The following FRMD4B variants were observed in gnomAD, a reference collection of about 807,000 sequenced individuals.
FRMD4B encodes the protein FERM domain-containing protein 4B.
Under a neutral mutation model 141.5 loss-of-function variants are expected in FRMD4B, and 74 were observed. The observed-to-expected ratio is 0.52, with a 90% confidence interval of 0.43 to 0.63. The LOEUF (loss-of-function observed/expected upper bound fraction) is 0.63, where lower values mean the gene tolerates loss of function less well. FRMD4B is among the 30% of genes least tolerant of loss of function. The pLI, the probability that FRMD4B is intolerant of heterozygous loss-of-function variation, is 0.00. For missense variants in FRMD4B, 1,366 were observed against 1,253.4 expected (o/e 1.09, Z -1.36); for synonymous variants, 506 against 467.9 (o/e 1.08, Z -1.05).
intron 1 of FRMD4B, among the ~76,000 whole-genome samples, chr3:69,484,204 A>G (rs1706176932): frequency 1.3e-5 from 2 of 152,212 alleles, no homozygotes; most frequent in Non-Finnish European, 2.9e-5. Flanking sequence ...GTGAAGAGCA[A>G]CAGAAGAATG....
chr3:69,233,792 G>C (rs777104964), intron 7 of FRMD4B, among the ~76,000 whole-genome samples: 1 of 152,144 alleles, frequency 6.6e-6, no homozygotes, highest in Admixed American at 6.5e-5. Context: ...ATTAGGAATG[G>C]AGCTAATTGG....
intron 7 of FRMD4B, among the ~76,000 whole-genome samples, chr3:69,245,930 T>C (rs902092440): frequency 4.2e-5 from 6 of 142,146 alleles, no homozygotes; most frequent in African/African-American, 1.6e-4. Context: ...CTCTGCCTCC[T>C]GGGTTCAAGA....
intron 1 of FRMD4B, among the ~76,000 whole-genome samples, chr3:69,375,655 G>A (rs1169864260): frequency 3.7e-5 from 1 of 27,024 alleles, no homozygotes; most frequent in African/African-American, 1.3e-4. Context: ...ATCTTTATGT[G>A]TCATTTCTCT....
chr3:69,476,116 T>A (rs1389132920), intron 1 of FRMD4B, among the ~76,000 whole-genome samples: 1 of 150,886 alleles, frequency 6.6e-6, no homozygotes, highest in African/African-American at 2.5e-5. Context: ...CTTTGTCAGA[T>A]GAGTAGGTTG....
intron 1 of FRMD4B, among the ~76,000 whole-genome samples, chr3:69,345,117 A>G (rs1471642965): frequency 6.6e-6 from 1 of 152,134 alleles, no homozygotes; most frequent in African/African-American, 2.4e-5. Flanking sequence ...TGGCACCTGG[A>G]AAATCAGGTC....
intron 1 of FRMD4B, among the ~76,000 whole-genome samples, chr3:69,367,822 T>C (rs1217908277): frequency 6.6e-6 from 1 of 152,218 alleles, no homozygotes; most frequent in Non-Finnish European, 1.5e-5. Flanking sequence ...TTTCCTGAAA[T>C]GGAAATGCTT....
intron 5 of FRMD4B, among the ~76,000 whole-genome samples, chr3:69,253,859 G>A (rs996614455): frequency 3.9e-5 from 6 of 152,170 alleles, no homozygotes; most frequent in African/African-American, 1.4e-4. Context: ...AGGCTGAGGT[G>A]GGGGCACTGC....
At chr3:69,408,295 C>A (rs775643431) in intron 2 of FRMD4B, among the ~76,000 whole-genome samples, 2 of 152,198 alleles carry the variant, frequency 1.3e-5, no homozygotes, top group Non-Finnish European at 2.9e-5. Flanking sequence ...CTGAAAGGTT[C>A]TTTTCAATTA....
intron 1 of FRMD4B, among the ~76,000 whole-genome samples, chr3:69,377,294 T>C (rs934251914): frequency 6.6e-6 from 1 of 152,222 alleles, no homozygotes; most frequent in African/African-American, 2.4e-5. Flanking sequence ...TGTTAATCAC[T>C]ACTATAATGG....
intron 1 of FRMD4B, among the ~76,000 whole-genome samples, chr3:69,530,444 C>T (rs1379043377): frequency 1.3e-5 from 2 of 152,210 alleles, no homozygotes; most frequent in African/African-American, 4.8e-5. Context: ...AATCTCTGCA[C>T]ACACCAGTTC....
In FRMD4B at chr3:69,386,068, C is replaced by T. The variant is rs1029377517; in HGVS notation, c.-79G>A. 3.2e-6 allele frequency: 4 copies of T among 1,266,802 alleles called. No individual in the cohort carries two copies. The highest frequency in any genetic ancestry group is 1.9e-5 in the South Asian group (1 of 53,180). 78.5% of individuals were successfully genotyped at this position (1,266,802 alleles called of 1,614,324 possible). ...GACCCCAGCGGCCTGCCCGCCTGGG[C>T]TCCCGACGCCGGCTTCTGCTGGCAG... is the stretch of plus-strand genomic sequence containing the variant. On this transcript the variant is annotated 5_prime_UTR_variant, in exon 1 of 23. Coordinates refer to ENST00000398540, the MANE Select transcript of FRMD4B (RefSeq NM_015123.3).
At chr3:69,431,850 C>T (rs772084601) in intron 2 of FRMD4B, among the ~76,000 whole-genome samples, 1 of 152,238 alleles carries the variant, frequency 6.6e-6, no homozygotes, top group Non-Finnish European at 1.5e-5. Context: ...AACTGTTGCA[C>T]ATTTTACTCA....
Position 69,218,333 on chromosome 3 carries a change from A to G in FRMD4B, c.778T>C (p.Tyr260His), listed in dbSNP as rs1190855053. Reference sequence around the variant, plus strand: ...GTAAAATTACTTACCTTTACTGCATAATAATGGACACCGTAAGTCGGTAGA... The same window carrying G: ...GTAAAATTACTTACCTTTACTGCATGATAATGGACACCGTAAGTCGGTAGA... ...EALPTYGVHY[Y>H]AVKDKQGLPW... Residue 260 changes from tyrosine to histidine, a missense_variant, in exon 10 of 23, where the codon TAT becomes CAT. By Grantham distance (83) the Tyr-to-His change is moderately conservative. Transcript: ENST00000398540. 1.3e-6 allele frequency: 2 copies of G among 1,501,634 alleles called. No individual in the cohort carries two copies. The highest frequency in any genetic ancestry group is 2.3e-5 in the South Asian group (2 of 86,448). 93.0% of individuals were successfully genotyped at this position (1,501,634 alleles called of 1,614,324 possible).
At chr3:69,356,576 G>T (rs1559826964) in intron 1 of FRMD4B, among the ~76,000 whole-genome samples, 1 of 149,014 alleles carries the variant, frequency 6.7e-6, no homozygotes, top group African/African-American at 2.5e-5. Context: ...TTTATATATA[G>T]ATATATATAT....
intron 11 of FRMD4B, among the ~76,000 whole-genome samples, chr3:69,213,369 T>TAA (rs10717974): frequency 0.13 from 16,031 of 124,378 alleles, 1,062 homozygotes; most frequent in East Asian, 0.37. Flanking sequence ...TTACTCTGGG[T>TAA]AAAAAAAAAA....
In FRMD4B at chr3:69,233,968, C is replaced by T. The variant is rs145267829; in HGVS notation, c.582-9278G>A. Reference sequence around the variant, plus strand: ...AGCAGCTACAAAAGTTTATTTAGGCCAGGCGTAGTAGCTCATGTCTGTAAT... The same window carrying T: ...AGCAGCTACAAAAGTTTATTTAGGCTAGGCGTAGTAGCTCATGTCTGTAAT... On this transcript the variant is annotated intron_variant, in intron 7 of 22. Coordinates refer to ENST00000398540, the MANE Select transcript of FRMD4B (RefSeq NM_015123.3). Among the ~76,000 whole-genome samples the T allele has an allele frequency of 3.2e-4, 48 of 152,218 alleles. No homozygotes were observed. The East Asian group carries it at 7.7e-3, about 24-fold the overall frequency.
Position 69,246,612 on chromosome 3 carries a change from C to T in FRMD4B, c.581+2614G>A, listed in dbSNP as rs1647575697. Among the ~76,000 whole-genome samples the T allele has an allele frequency of 2.6e-5, 4 of 152,198 alleles. No individual in the cohort carries two copies. The South Asian group carries it at 8.3e-4, about 32-fold the overall frequency. On this transcript the variant is annotated intron_variant, in intron 7 of 22. Transcript: ENST00000398540. ...GCTCCCACATGTCCTGAAAACCAAC[C>T]TGCAAAGCCATTGTTTTGATTAACC...
intron 2 of FRMD4B, among the ~76,000 whole-genome samples, chr3:69,429,698 T>C (rs1705145052): frequency 6.7e-6 from 1 of 149,868 alleles, no homozygotes. Context: ...GGTGCTTGGG[T>C]GAAATTTGAG....
At chr3:69,335,911 C>T (rs1055000954) in intron 1 of FRMD4B, among the ~76,000 whole-genome samples, 13 of 151,750 alleles carry the variant, frequency 8.6e-5, no homozygotes, top group African/African-American at 3.1e-4. Context: ...TTAGTAGAGA[C>T]ACGCTTTCAC....
Sources: allele counts gnomAD v4.1 joint callset (sites outside exome capture counted in the v4.1 genomes callset), GRCh38; gene constraint gnomAD v4.1.1; transcripts MANE v1.5; gene names NCBI Gene and HGNC (gene_info 2026-07-23, HGNC 2026-07-21).